The following ITGB2 variants were observed in gnomAD, a reference collection of about 807,000 sequenced individuals.
ITGB2 encodes integrin beta-2.
Under a neutral mutation model 86.8 loss-of-function variants are expected in ITGB2, and 56 were observed. That is an observed-to-expected ratio of 0.65 (90% CI 0.52 to 0.81). The LOEUF (loss-of-function observed/expected upper bound fraction) is 0.81. Among genes scored for constraint, ITGB2 ranks in the 30% least tolerant of loss-of-function variants. The probability of loss-of-function intolerance (pLI) is 0.00; values close to 1 mark genes in which losing one functional copy is unlikely to be tolerated. For synonymous variants in ITGB2, 457 were observed against 450.4 expected (o/e 1.01, Z -0.19); for missense variants, 948 against 1,061.2 (o/e 0.89, Z 1.48).
rs1214914033 is a variant in ITGB2 at position 44,899,133 on chromosome 21, G to A, written c.927C>T (p.His309=). Residue 309 remains histidine, a synonymous_variant, in exon 8 of 16, where the codon CAC becomes CAT. Transcript: ENST00000652462. ...FDYPSVGQLA[H]KLAENNIQPI... ...GCTGGATGTTGTTTTCAGCCAGCTT[G>A]TGCGCCAGCTGGCCCACCGATGGGT... 1 of 1,614,044 alleles carries A rather than the reference G, an allele frequency of 6.2e-7. No individual in the cohort carries two copies. The highest frequency in any genetic ancestry group is 8.5e-7 in the Non-Finnish European group (1 of 1,180,008).
At chr21:44,900,256 C>G (rs1473869620) in intron 7 of ITGB2, 64 bp downstream of exon 7, 2 of 1,594,760 alleles carry the variant, frequency 1.3e-6, no homozygotes, top group Non-Finnish European at 1.7e-6. Context: ...GAGACCCCAC[C>G]CTTGTCTCCT....
intron 11 of ITGB2, 142 bp from the exon 12 acceptor site, chr21:44,890,364 T>C (rs2083769535): frequency 1.1e-5 from 11 of 1,043,898 alleles, no homozygotes; most frequent in South Asian, 9.9e-5. Context: ...TACTGAGCAC[T>C]TGCCACGGAC....
Position 44,893,435 on chromosome 21 carries a change from C to T in ITGB2, c.1193G>A (p.Gly398Asp). ...ATTGATCTGCACGCCATCACAGTCA[C>T]CTCTGGGCTGGTTCCTGTGCGTCAC... is the stretch of plus-strand genomic sequence containing the variant. ...NGVTHRNQPR[G>D]DCDGVQINVP... The change falls in exon 10 of 16, where the codon GGT (glycine) becomes GAT (aspartate). Residue 398 changes from glycine (G) to aspartate (D), a missense_variant. By Grantham distance (94) the Gly-to-Asp change is moderately conservative. Transcript: ENST00000652462. 6.2e-7 allele frequency: 1 copy of T among 1,614,132 alleles called. No individual in the cohort carries two copies. Among genetic ancestry groups the T allele is most frequent in the Non-Finnish European group, 8.5e-7 (1 of 1,180,006 alleles).
intron 4 of ITGB2, among the ~76,000 whole-genome samples, chr21:44,904,975 A>G (rs1211573929): frequency 6.6e-6 from 1 of 152,184 alleles, no homozygotes; most frequent in South Asian, 2.1e-4. Flanking sequence ...AAGGACCCCA[A>G]TCACTTTCTA....
chr21:44,918,604 C>G (rs1392667535), intron 1 of ITGB2, among the ~76,000 whole-genome samples: 1 of 152,226 alleles, frequency 6.6e-6, no homozygotes, highest in Non-Finnish European at 1.5e-5. Flanking sequence ...GGGCCCCTCC[C>G]ATCTCCTGGA....
At chr21:44,919,703 C>A (rs774455058) in intron 1 of ITGB2, among the ~76,000 whole-genome samples, 11 of 152,366 alleles carry the variant, frequency 7.2e-5, no homozygotes, top group Non-Finnish European at 1.0e-4. Flanking sequence ...GCCATCCCCC[C>A]CCTTCCCCAT....
At chr21:44,916,608 C>T (rs552009669) in intron 1 of ITGB2, among the ~76,000 whole-genome samples, 2 of 152,246 alleles carry the variant, frequency 1.3e-5, no homozygotes, top group African/African-American at 2.4e-5. Context: ...TGGCTCATGC[C>T]TGTAATCCCA....
chr21:44,894,847 G>A, intron 9 of ITGB2, 124 bp downstream of exon 9: 1 of 753,076 alleles, frequency 1.3e-6, no homozygotes, highest in South Asian at 1.4e-5. Context: ...GGCTGCAGCT[G>A]GCCCACGGGG....
At chr21:44,917,913 A>C (rs1432087483) in intron 1 of ITGB2, among the ~76,000 whole-genome samples, 1 of 152,230 alleles carries the variant, frequency 6.6e-6, no homozygotes, top group Non-Finnish European at 1.5e-5. Context: ...CAGGGGCCTC[A>C]GCTCAGGACA....
chr21:44,910,773 G>C lies in ITGB2; in HGVS notation c.10C>G (p.Leu4Val), dbSNP rs970528220. Reference protein sequence around the residue: MLGLRPPLLALVGL... With the variant: MLGVRPPLLALVGL... The stretch of plus-strand genomic sequence containing the variant: ...ACCAGGGCGAGCAGTGGGGGGCGCA[G>C]GCCCAGCATGTCCTGTGGAGGGAAG... Residue 4 changes from leucine to valine, a missense_variant, in exon 2 of 16, where the codon CTG becomes GTG. Transcript: ENST00000652462. 1.2e-6 allele frequency: 2 copies of C among 1,613,614 alleles called. No homozygotes were observed. Among genetic ancestry groups the C allele is most frequent in the Non-Finnish European group, 1.7e-6 (2 of 1,179,850 alleles).
rs11327948 is a variant in ITGB2, at chr21:44,892,604, C to CAAA, written c.1225-611_1225-609dup. Among the ~76,000 whole-genome samples, 275 of 70,990 alleles carry CAAA rather than the reference C, an allele frequency of 3.9e-3. 16 individuals are homozygous for CAAA. The highest frequency in any genetic ancestry group is 0.01 in the African/African-American group (191 of 18,244). The allele number at this position is 70,990 out of a possible 152,430, so 46.6% of individuals were successfully genotyped here. A position where few individuals can be genotyped will look rare whatever the true frequency, so the allele number is the denominator to read the frequency against. Reference sequence around the variant, plus strand: ...TGGGCGACAGAGCGAAACTCCATCTCAAAAAAAAAAAAAAAAAAAAAAATC... The same window carrying CAAA: ...TGGGCGACAGAGCGAAACTCCATCTCAAAAAAAAAAAAAAAAAAAAAAAAAATC... On this transcript the variant is annotated intron_variant, in intron 10 of 15. Transcript: ENST00000652462.
At chr21:44,895,836 AAAATAAAATG>A (rs1293798727) in intron 8 of ITGB2, among the ~76,000 whole-genome samples, 3 of 139,298 alleles carry the variant, frequency 2.2e-5, no homozygotes, top group South Asian at 2.2e-4. Flanking sequence ...CTGTCTCAAT[AAAATAAAATG>A]AAATGAAATG....
chr21:44,908,549 T>C (rs890204506), intron 3 of ITGB2, among the ~76,000 whole-genome samples: 1 of 152,130 alleles, frequency 6.6e-6, no homozygotes, highest in African/African-American at 2.4e-5. Context: ...ACTTGCTCTA[T>C]CTATCACAAC....
chr21:44,906,939 T>C lies in ITGB2; in HGVS notation c.304A>G (p.Lys102Glu). ...NGGQKQLSPQ[K>E]VTLYLRPGQA... The stretch of plus-strand genomic sequence containing the variant: ...CCTGGTCGCAGGTAAAGCGTCACTT[T>C]TTGTGGGGACAGCTGCTTCTGGCCC... Residue 102 changes from lysine (K) to glutamate (E), a missense_variant, in exon 4 of 16, where the codon AAA (lysine) becomes GAA (glutamate). Physicochemically the swap from Lys to Glu is moderately conservative, Grantham distance 56 (BLOSUM62 1). Transcript: ENST00000652462. 6.2e-7 allele frequency: 1 copy of C among 1,614,144 alleles called. No individual in the cohort carries two copies. The highest frequency in any genetic ancestry group is 8.5e-7 in the Non-Finnish European group (1 of 1,180,000).
intron 1 of ITGB2, among the ~76,000 whole-genome samples, chr21:44,915,838 G>A (rs564496104): frequency 2.6e-5 from 4 of 152,330 alleles, no homozygotes; most frequent in Non-Finnish European, 4.4e-5. Flanking sequence ...CTGCGACCCT[G>A]CAAAAGCGTA....
chr21:44,889,248 C>T, intron 13 of ITGB2, 28 bp downstream of exon 13: 3 of 1,607,312 alleles, frequency 1.9e-6, no homozygotes, highest in East Asian at 4.5e-5. Flanking sequence ...GGATCCCTGC[C>T]CGCCCTGCCT....
At position 44,910,347 on chromosome 21, in the gene ITGB2, G is replaced by T. The variant is rs1384094534; in HGVS notation, c.84C>A (p.Phe28Leu). The T allele has an allele frequency of 6.2e-7, 1 of 1,614,044 alleles. No homozygotes were observed. Among genetic ancestry groups the T allele is most frequent in the African/African-American group, 1.3e-5 (1 of 74,926 alleles). Residue 28 changes from phenylalanine (F) to leucine (L), a missense_variant, in exon 3 of 16, where the codon TTC becomes TTA. Transcript: ENST00000652462. ...GCVLSQECTK[F>L]KVSSCRECIE... is the part of the protein sequence containing the mutation. ...TGCATTCCCGGCAGCTGCTGACCTT[G>T]AACTTCGTGCACTCCTGAGAGAGGA... is the stretch of plus-strand genomic sequence containing the variant.
intron 9 of ITGB2, chr21:44,894,525 T>G (rs235329): frequency 0.51 from 132,239 of 260,666 alleles, 34,481 homozygotes; most frequent in African/African-American, 0.63. Context: ...AATTCAGGGG[T>G]TAAGGGCTTC....
chr21:44,907,169 A>G lies in ITGB2; in HGVS notation c.148-74T>C, dbSNP rs547340303. 8.3e-4 allele frequency: 960 copies of G among 1,150,026 alleles called. 18 individuals are homozygous for G. The South Asian group carries it at 0.012, about 14-fold the overall frequency. The allele number at this position is 1,150,026 out of a possible 1,614,324, so 71.2% of individuals were successfully genotyped here. Reference sequence around the variant, plus strand: ...GCAGGAGGCTGACTGGCCATGGAGGACTGAGGACCCACCCTGTCCCCTCCT... The same window carrying G: ...GCAGGAGGCTGACTGGCCATGGAGGGCTGAGGACCCACCCTGTCCCCTCCT... On this transcript the variant is annotated intron_variant, in intron 3 of 15. Transcript: ENST00000652462.
Sources: gnomAD v4.1 joint callset for allele counts (sites outside exome capture counted in the v4.1 genomes callset) on GRCh38, gnomAD v4.1.1 for gene constraint, MANE v1.5 for transcripts, NCBI Gene and HGNC (gene_info 2026-07-23, HGNC 2026-07-21) for gene names.